Variants in NTRK3 observed in about 807,000 individuals in gnomAD.
The protein encoded by NTRK3 is NT-3 growth factor receptor.
A neutral mutation model predicts 91.7 loss-of-function variants in NTRK3; 24 were observed. The ratio of observed to expected loss-of-function variants is 0.26; its 90% CI spans 0.19 to 0.37. The LOEUF (loss-of-function observed/expected upper bound fraction) is 0.37. NTRK3 is among the 10% of genes least tolerant of loss of function. The pLI, the probability that NTRK3 is intolerant of heterozygous loss-of-function variation, is 1.00. For missense variants in NTRK3, 880 were observed against 1,068.9 expected, an observed-to-expected ratio of 0.82 and a Z score of 2.46; for synonymous variants, 483 against 404.0, an observed-to-expected ratio of 1.20 and a Z score of -2.34.
intron 14 of NTRK3, among the ~76,000 whole-genome samples, chr15:87,971,593 G>A (rs2073256251): frequency 6.6e-6 from 1 of 152,238 alleles, no homozygotes; most frequent in Non-Finnish European, 1.5e-5. Context: ...CTGACCCAGT[G>A]CTGAGAAAGA....
At chr15:87,940,370 G>A (rs2069708298) in intron 15 of NTRK3, among the ~76,000 whole-genome samples, 2 of 152,202 alleles carry the variant, frequency 1.3e-5, no homozygotes, top group South Asian at 2.1e-4. Flanking sequence ...ACTAAAAAAG[G>A]ACCAGGGTCA....
chr15:88,220,987 C>T (rs1225602580), intron 3 of NTRK3, among the ~76,000 whole-genome samples: 1 of 152,202 alleles, frequency 6.6e-6, no homozygotes, highest in Admixed American at 6.5e-5. Context: ...TGGAATGGGG[C>T]TCAGTTCTCT....
intron 5 of NTRK3, among the ~76,000 whole-genome samples, chr15:88,178,794 G>C (rs1002222744): frequency 6.6e-6 from 1 of 152,210 alleles, no homozygotes; most frequent in South Asian, 2.1e-4. Context: ...ATAGAAAGAG[G>C]AACTAAACAG....
At chr15:88,208,130 T>C (rs2048949440) in intron 3 of NTRK3, among the ~76,000 whole-genome samples, 2 of 152,060 alleles carry the variant, frequency 1.3e-5, no homozygotes, top group African/African-American at 2.4e-5. Flanking sequence ...GAAGTGGCAA[T>C]GTCAGAAACA....
intron 13 of NTRK3, chr15:88,098,937 T>C (rs1397153208): frequency 2.6e-5 from 6 of 232,472 alleles, no homozygotes; most frequent in South Asian, 1.8e-4. Flanking sequence ...TCTTGATTAC[T>C]GGGGTTTTTA....
chr15:88,164,966 G>A (rs1355696984), intron 5 of NTRK3, among the ~76,000 whole-genome samples: 19 of 152,130 alleles, frequency 1.2e-4, no homozygotes, highest in Admixed American at 1.2e-3. Context: ...ACTCACTCAA[G>A]GAAGAGACAA....
chr15:88,124,331 G>A (rs2053055651), intron 13 of NTRK3, among the ~76,000 whole-genome samples: 2 of 152,210 alleles, frequency 1.3e-5, no homozygotes, highest in African/African-American at 4.8e-5. Context: ...CAGGGGCTGG[G>A]AGAAGCTCTG....
chr15:87,961,930 G>A (rs1357232534), intron 14 of NTRK3, among the ~76,000 whole-genome samples: 1 of 152,194 alleles, frequency 6.6e-6, no homozygotes, highest in Non-Finnish European at 1.5e-5. Context: ...CAGAGAGGTG[G>A]GCCACACATG....
chr15:88,243,516 G>C lies in NTRK3; in HGVS notation c.248+12390C>G, dbSNP rs551883796. Reference sequence around the variant, plus strand: ...TGACCCCTACCCCTGCTTCTCACTTGATCCCATCCCCCATAGCATGCACAC... The same window carrying C: ...TGACCCCTACCCCTGCTTCTCACTTCATCCCATCCCCCATAGCATGCACAC... On this transcript the variant is annotated intron_variant, in intron 3 of 18. Transcript: ENST00000394480. The surrounding 1 kb of genome is among the most constrained non-coding windows in gnomAD (Gnocchi z 4.8). Among the ~76,000 whole-genome samples the C allele has an allele frequency of 4.8e-5, 7 of 144,752 alleles. No individual in the cohort carries two copies. Among genetic ancestry groups the C allele is most frequent in the African/African-American group, 1.6e-4 (6 of 37,904 alleles). 95.0% of individuals were successfully genotyped at this position (144,752 alleles called of 152,430 possible). A position where few individuals can be genotyped will look rare whatever the true frequency, so the allele number is the denominator to read the frequency against.
intron 14 of NTRK3, among the ~76,000 whole-genome samples, chr15:87,974,508 C>T (rs1381623778): frequency 6.6e-6 from 1 of 151,460 alleles, no homozygotes; most frequent in Non-Finnish European, 1.5e-5. Context: ...TCAGGTTGGT[C>T]TCATCCTTTC....
chr15:88,130,725 A>G (rs962112168), intron 10 of NTRK3, among the ~76,000 whole-genome samples: 2 of 152,254 alleles, frequency 1.3e-5, no homozygotes, highest in African/African-American at 4.8e-5. Flanking sequence ...AAGTTCCAAG[A>G]TCATGAAAGA....
intron 17 of NTRK3, chr15:87,885,726 G>A (rs2141515954): frequency 7.4e-7 from 1 of 1,344,872 alleles, no homozygotes; most frequent in Non-Finnish European, 9.8e-7. Flanking sequence ...TTTCCAGATG[G>A]ATTAAAGAGC....
rs541541066 is a variant in NTRK3, at chr15:87,930,096, G to A, written c.1890-662C>T. Among the ~76,000 whole-genome samples, 11 of 152,228 alleles carry A rather than the reference G, an allele frequency of 7.2e-5. No homozygotes were observed. In the South Asian group the frequency reaches 1.5e-3, roughly 20 times the overall value. ...CCCAGGGCTGATGCTGGCAGTCCAC[G>A]CTCAGTGGCCCTGGGACACTCCTAA... On this transcript the variant is annotated intron_variant, in intron 16 of 18. Coordinates refer to ENST00000394480, the Ensembl canonical transcript of NTRK3.
At chr15:88,215,188 A>G (rs1418510003) in intron 3 of NTRK3, among the ~76,000 whole-genome samples, 1 of 152,234 alleles carries the variant, frequency 6.6e-6, no homozygotes, top group Non-Finnish European at 1.5e-5. Flanking sequence ...AAAATTTGGC[A>G]ATGGCAATTC....
intron 13 of NTRK3, among the ~76,000 whole-genome samples, chr15:88,095,269 G>T (rs969116799): frequency 6.6e-6 from 1 of 152,220 alleles, no homozygotes; most frequent in African/African-American, 2.4e-5. Context: ...TGGAGAAAAT[G>T]TCTCAACAAA....
At chr15:88,049,842 T>C (rs1391044402) in intron 13 of NTRK3, among the ~76,000 whole-genome samples, 1 of 152,206 alleles carries the variant, frequency 6.6e-6, no homozygotes, top group Non-Finnish European at 1.5e-5. Context: ...TAATCGAAGA[T>C]GGTTCAGAAT....
At chr15:88,056,793 G>C (rs952694254) in intron 13 of NTRK3, among the ~76,000 whole-genome samples, 4 of 152,142 alleles carry the variant, frequency 2.6e-5, no homozygotes, top group African/African-American at 9.7e-5. Context: ...GTTCTTCCTG[G>C]TTGGCTTAGG....
intron 13 of NTRK3, among the ~76,000 whole-genome samples, chr15:88,104,373 A>T (rs1567413111): frequency 6.6e-6 from 1 of 152,224 alleles, no homozygotes; most frequent in Non-Finnish European, 1.5e-5. Flanking sequence ...ACATTTCCTT[A>T]GAACAACGTT....
chr15:88,134,158 G>A (rs939378600), intron 10 of NTRK3, among the ~76,000 whole-genome samples: 2 of 152,124 alleles, frequency 1.3e-5, no homozygotes, highest in Non-Finnish European at 2.9e-5. Context: ...TGATTCCTAG[G>A]GATTGAAGAC....
Sources: allele counts gnomAD v4.1 joint callset (sites outside exome capture counted in the v4.1 genomes callset), GRCh38; gene constraint gnomAD v4.1.1; non-coding constraint Gnocchi (gnomAD v3.1); transcripts MANE v1.5; gene names NCBI Gene and HGNC (gene_info 2026-07-23, HGNC 2026-07-21).